PLEC: variants seen among roughly 807,000 people sequenced by gnomAD.
The protein encoded by PLEC is plectin.
PLEC carries 216 observed loss-of-function variants against 392.8 expected under a neutral mutation model. The observed-to-expected ratio is 0.55, with a 90% confidence interval of 0.49 to 0.62. The LOEUF (loss-of-function observed/expected upper bound fraction) is 0.62, where lower values mean the gene tolerates loss of function less well. Ranked by LOEUF, PLEC falls within the 20% of genes least tolerant of loss-of-function variation. The pLI is 0.00. For synonymous variants in PLEC, 3,621 were observed against 2,980.6 expected, an observed-to-expected ratio of 1.21 and a Z score of -7.00; for missense variants, 6,863 against 6,563.4, an observed-to-expected ratio of 1.05 and a Z score of -1.58.
At chr8:143,930,621 T>G in intron 19 of PLEC, 85 bp from the exon 20 acceptor site, 1 of 1,410,312 alleles carries the variant, frequency 7.1e-7, no homozygotes, top group Admixed American at 2.0e-5. Context: ...GGACCAGGCC[T>G]GTGGGGCCCT....
rs372530151 is a variant in PLEC at position 143,932,604 on chromosome 8, A to G, written c.1815+31T>C. On this transcript the variant is annotated intron_variant, in intron 15 of 31. Coordinates refer to ENST00000345136, the MANE Select transcript of PLEC (RefSeq NM_201384.3). ...CGTGTCAGCAGGCCGCGGGCTACCC[A>G]CCTCCCCCGGCTGGCCCTGCCCCCA... 96 of 1,610,280 alleles carry G rather than the reference A, an allele frequency of 6.0e-5. No homozygotes were observed. The Middle Eastern group carries it at 9.9e-4, about 17-fold the overall frequency.
chr8:143,946,781 C>A (rs997166614), intron 1 of PLEC, among the ~76,000 whole-genome samples: 2 of 142,758 alleles, frequency 1.4e-5, no homozygotes, highest in East Asian at 2.1e-4. Flanking sequence ...ACATTCCAGG[C>A]ATCCATGTGC....
upstream of PLEC, among the ~76,000 whole-genome samples, chr8:143,952,087 G>T (rs920215034): frequency 1.1e-4 from 16 of 152,186 alleles, no homozygotes; most frequent in Admixed American, 1.3e-4. Context: ...TCCCGAGGTG[G>T]GAGGCGCTGG....
chr8:143,939,720 C>G, upstream of PLEC: 1 of 1,232,336 alleles, frequency 8.1e-7, no homozygotes, highest in Non-Finnish European at 1.1e-6. Context: ...GCAAGCAGCC[C>G]CCTCCCCCAC....
Position 143,923,054 on chromosome 8 carries a change from C to T in PLEC, c.6875G>A (p.Arg2292Gln), listed in dbSNP as rs782779625. 1.9e-5 allele frequency: 31 copies of T among 1,610,416 alleles called. No individual in the cohort carries two copies. The highest frequency in any genetic ancestry group is 4.5e-5 in the East Asian group (2 of 44,850). ...RLSVAAQEAARLRQLAEEDLA... is the reference protein window; with the variant it reads ...RLSVAAQEAAQLRQLAEEDLA... Reference sequence around the variant, plus strand: ...GTCCTCCTCTGCCAGCTGCCGCAGTCGCGCAGCCTCTTGGGCCGCCACACT... The same window carrying T: ...GTCCTCCTCTGCCAGCTGCCGCAGTTGCGCAGCCTCTTGGGCCGCCACACT... The change falls in exon 31 of 32, where the codon CGA (arginine) becomes CAA (glutamine). Residue 2292 changes from arginine to glutamine, a missense_variant. Arg to Gln is a conservative substitution (Grantham distance 43). Transcript: ENST00000345136.
At chr8:143,932,058 G>GCCCCCC in intron 17 of PLEC, 26 bp from the exon 18 acceptor site, 3 of 1,538,258 alleles carry the variant, frequency 2.0e-6, no homozygotes, top group African/African-American at 3.1e-5. Context: ...TCCCGGTCAG[G>GCCCCCC]CCCCGCCCCG....
chr8:143,954,634 C>G (rs1832490130), upstream of PLEC, among the ~76,000 whole-genome samples: 1 of 152,202 alleles, frequency 6.6e-6, no homozygotes, highest in South Asian at 2.1e-4. This position sits in a 1 kb window ranked among gnomAD's most constrained non-coding sequence, Gnocchi z 4.6. Context: ...CTCCTCAGCC[C>G]GCAGGAGTAG....
At chr8:143,940,673 C>T (rs915621908), upstream of PLEC, among the ~76,000 whole-genome samples, 18 of 152,194 alleles carry the variant, frequency 1.2e-4, no homozygotes, top group South Asian at 8.3e-4. Flanking sequence ...CAGGCAGATT[C>T]GGTCCAGCTG....
In PLEC at chr8:143,950,303, TC is replaced by T. The variant is rs1831999728; in HGVS notation, c.403del (p.Glu135ArgfsTer118). 6.4e-7 allele frequency: 1 copy of T among 1,571,250 alleles called. No homozygotes were observed. Among genetic ancestry groups the T allele is most frequent in the Non-Finnish European group, 8.6e-7 (1 of 1,158,842 alleles). ...CTTCCGACGGTAGACCCGCTGCTCC[TC>T]CGTCGGCAGCGGCCCCCGCTTGGGT... On this transcript the variant is annotated frameshift_variant, in exon 1 of 32. Transcript: ENST00000322810. LOFTEE classifies it high-confidence loss of function.
Position 143,921,166 on chromosome 8 carries a change from C to T in PLEC, c.8655G>A (p.Thr2885=), listed in dbSNP as rs960910414. ...GCTCCCCGCCCTTGGCAGCCTTATC[C>T]GTGAGTGGCAGAAGGCACAGGCCCG... ...PETGLCLLPL[T]DKAAKGGELV... Residue 2885 remains threonine (T), a synonymous_variant, in exon 32 of 32, where the codon ACG becomes ACA. Coordinates refer to ENST00000345136, the MANE Select transcript of PLEC (RefSeq NM_201384.3). The T allele has an allele frequency of 5.6e-6, 9 of 1,613,714 alleles. No individual in the cohort carries two copies. Among genetic ancestry groups the T allele is most frequent in the Admixed American group, 5.0e-5 (3 of 60,010 alleles).
chr8:143,946,273 G>A (rs1831456332), intron 1 of PLEC: 4 of 1,094,782 alleles, frequency 3.7e-6, no homozygotes, highest in South Asian at 1.3e-5. Context: ...GGTGGACAAC[G>A]GGAAGAGACA....
chr8:143,953,780 CG>C (rs1270448157), upstream of PLEC: 1 of 1,612,072 alleles, frequency 6.2e-7, no homozygotes, highest in African/African-American at 1.3e-5. Flanking sequence ...ATGTCTGCGC[CG>C]GGGCTGAGGG....
chr8:143,972,502 C>T (rs536482685), intron 1 of PLEC, among the ~76,000 whole-genome samples: 13 of 152,314 alleles, frequency 8.5e-5, no homozygotes, highest in Admixed American at 5.2e-4. Context: ...AGCGGCACCA[C>T]GGGGCCCCAG....
In PLEC at chr8:143,938,706, G is replaced by A. The variant is rs782149514; in HGVS notation, c.113-14C>T. The A allele has an allele frequency of 2.3e-5, 37 of 1,613,322 alleles. No individual in the cohort carries two copies. The Admixed American group carries it at 6.0e-4, about 26-fold the overall frequency. ...GATCCCGCTCATCTGGGGGAGACAA[G>A]ACCAGCTTACCTGGGGCCTGGGAGA... On this transcript the variant is annotated splice_polypyrimidine_tract_variant and intron_variant, in intron 1 of 31. Coordinates refer to ENST00000345136, the MANE Select transcript of PLEC (RefSeq NM_201384.3).
At chr8:143,937,385 G>A (rs907790498) in intron 3 of PLEC, 143 bp from the exon 4 acceptor site, 54 of 685,304 alleles carry the variant, frequency 7.9e-5, no homozygotes, top group African/African-American at 4.6e-4. Context: ...ACCCTCCCCC[G>A]CAGGGAAAGG....
Position 143,922,200 on chromosome 8 carries a change from T to C in PLEC, c.7621A>G (p.Met2541Val). 6.4e-7 allele frequency: 1 copy of C among 1,552,670 alleles called. No homozygotes were observed. The highest frequency in any genetic ancestry group is 8.7e-7 in the Non-Finnish European group (1 of 1,152,884). The change falls in exon 32 of 32, where the codon ATG becomes GTG. Residue 2541 changes from methionine (M) to valine (V), a missense_variant. Physicochemically the swap from Met to Val is conservative, Grantham distance 21. Transcript: ENST00000345136. ...REEQQRQQQQ[M>V]EQERQRLVAS... The stretch of plus-strand genomic sequence containing the variant: ...ACCAGCCGCTGCCGTTCCTGCTCCA[T>C]CTGCTGCTGCTGCCGCTGCTGCTCC...
chr8:143,946,669 GCCCCGCCCAGCAGACC>G (rs1192970265), intron 1 of PLEC: 30 of 262,198 alleles, frequency 1.1e-4, no homozygotes, highest in Middle Eastern at 1.5e-3. Context: ...TACTGTTCCT[GCCCCGCCCAGCAGACC>G]CCCCGCCCAG....
chr8:143,919,000 G>C lies in PLEC; in HGVS notation c.10821C>G (p.Asp3607Glu). The change falls in exon 32 of 32, where the codon GAC (aspartate) becomes GAG (glutamate). Residue 3607 changes from aspartate (D) to glutamate (E), a missense_variant. By Grantham distance (45) the Asp-to-Glu change is conservative. Transcript: ENST00000345136. ...CCTTGGTCACCCGGCCGGCCTGGAA[G>C]TCAGCCATCAGCTGGGCCCGCTGCT... is the stretch of plus-strand genomic sequence containing the variant. ...PEEQRAQLMA[D>E]FQAGRVTKER... 3 of 1,611,422 alleles carry C rather than the reference G, an allele frequency of 1.9e-6. No individual in the cohort carries two copies. Among genetic ancestry groups the C allele is most frequent in the Non-Finnish European group, 2.5e-6 (3 of 1,180,016 alleles).
intron 28 of PLEC, 38 bp from the exon 29 acceptor site, chr8:143,927,119 C>CAGA: frequency 6.3e-7 from 1 of 1,576,222 alleles, no homozygotes; most frequent in East Asian, 2.2e-5. Flanking sequence ...CAGCTCTGCC[C>CAGA]TCCGATGGCC....
Sources: gnomAD v4.1 joint callset for allele counts (sites outside exome capture counted in the v4.1 genomes callset) on GRCh38, gnomAD v4.1.1 for gene constraint, Gnocchi (gnomAD v3.1) non-coding constraint, MANE v1.5 for transcripts, NCBI Gene and HGNC (gene_info 2026-07-23, HGNC 2026-07-21) for gene names.